IGF1R: variants seen among roughly 807,000 people sequenced by gnomAD.
IGF1R encodes insulin like growth factor 1 receptor, also known as insulin-like growth factor 1 receptor.
IGF1R carries 44 observed loss-of-function variants against 144.6 expected under a neutral mutation model. The observed-to-expected ratio is 0.30, with a 90% CI of 0.24 to 0.39. The LOEUF (loss-of-function observed/expected upper bound fraction) is 0.39, where lower values mean the gene tolerates loss of function less well. IGF1R is among the 10% of genes least tolerant of loss of function. The probability of loss-of-function intolerance (pLI) is 1.00; values close to 1 mark genes in which losing one functional copy is unlikely to be tolerated. For missense variants in IGF1R, 1,355 were observed against 1,833.7 expected (o/e 0.74, Z 4.77); for synonymous variants, 795 against 722.8 (o/e 1.10, Z -1.60).
At chr15:98,884,562 C>T (rs775437752) in intron 2 of IGF1R, among the ~76,000 whole-genome samples, 2 of 150,790 alleles carry the variant, frequency 1.3e-5, no homozygotes, top group African/African-American at 2.4e-5. Flanking sequence ...GGCATGGTGG[C>T]GGGCGCCTGT....
At chr15:98,773,728 G>C (rs924535979) in intron 2 of IGF1R, among the ~76,000 whole-genome samples, 3 of 152,164 alleles carry the variant, frequency 2.0e-5, no homozygotes, top group African/African-American at 7.2e-5. Context: ...AGTTCAGGTT[G>C]GTCCCTTAGA....
At chr15:98,859,697 AAC>A (rs1207569035) in intron 2 of IGF1R, among the ~76,000 whole-genome samples, 1 of 152,242 alleles carries the variant, frequency 6.6e-6, no homozygotes, top group East Asian at 1.9e-4. Flanking sequence ...TTAAAAAACA[AAC>A]ACACACATTC....
chr15:98,689,672 G>C (rs2053426875), intron 1 of IGF1R, among the ~76,000 whole-genome samples: 1 of 152,170 alleles, frequency 6.6e-6, no homozygotes, highest in Admixed American at 6.5e-5. Context: ...TGACTCAGAA[G>C]GCACATTAGG....
chr15:98,875,262 C>G (rs1370566529), intron 2 of IGF1R, among the ~76,000 whole-genome samples: 3 of 151,032 alleles, frequency 2.0e-5, no homozygotes, highest in Non-Finnish European at 4.4e-5. Flanking sequence ...TCAGATTATT[C>G]AAGTCCAGAA....
At chr15:98,772,423 A>G (rs1008968593) in intron 2 of IGF1R, among the ~76,000 whole-genome samples, 9 of 150,798 alleles carry the variant, frequency 6.0e-5, no homozygotes, top group Non-Finnish European at 1.3e-4. Context: ...AACCTAAGAA[A>G]GGTTTGTAAA....
intron 2 of IGF1R, among the ~76,000 whole-genome samples, chr15:98,853,094 T>C (rs910300626): frequency 6.6e-6 from 1 of 152,206 alleles, no homozygotes; most frequent in African/African-American, 2.4e-5. Context: ...GGTTTTCTCG[T>C]TATTGTTGCT....
chr15:98,673,005 C>CT lies in IGF1R; in HGVS notation c.94+23338dup, dbSNP rs201714604. On this transcript the variant is annotated intron_variant, in intron 1 of 20. Transcript: ENST00000650285. ...GGGAGCATCTTTTTATTTTATTTTA[C>CT]TTTTTTTTAAAAAAATGAGGTCTTT... 3.1e-3 allele frequency among the ~76,000 whole-genome samples: 479 copies of CT among 152,072 alleles called. 4 individuals are homozygous for CT. The highest frequency in any genetic ancestry group is 0.017 in the Middle Eastern group (5 of 294).
At chr15:98,884,095 A>AT (rs1195002782) in intron 2 of IGF1R, among the ~76,000 whole-genome samples, 1 of 152,128 alleles carries the variant, frequency 6.6e-6, no homozygotes, top group Non-Finnish European at 1.5e-5. Flanking sequence ...TTTTAAAGGA[A>AT]TGGGGGTATT....
intron 2 of IGF1R, among the ~76,000 whole-genome samples, chr15:98,753,581 G>A (rs2055076353): frequency 6.7e-6 from 1 of 148,754 alleles, no homozygotes; most frequent in African/African-American, 2.6e-5. Context: ...AAGGAGATGT[G>A]GGTTTTTTTT....
intron 1 of IGF1R, among the ~76,000 whole-genome samples, chr15:98,649,891 C>T (rs1257803231): frequency 1.3e-5 from 2 of 152,116 alleles, no homozygotes; most frequent in African/African-American, 4.8e-5. Flanking sequence ...CCTGGCTCCG[C>T]GCATCCCCGC....
chr15:98,751,040 C>T (rs995382194), intron 2 of IGF1R, among the ~76,000 whole-genome samples: 2 of 152,202 alleles, frequency 1.3e-5, no homozygotes, highest in Non-Finnish European at 1.5e-5. Context: ...ATCCACCCAC[C>T]TCGGCCTCCC....
chr15:98,777,603 G>A (rs1040363885), intron 2 of IGF1R, among the ~76,000 whole-genome samples: 3 of 152,186 alleles, frequency 2.0e-5, no homozygotes, highest in Non-Finnish European at 2.9e-5. Flanking sequence ...ATGAGCTGCC[G>A]GGGAATGACC....
chr15:98,926,377 A>G (rs1285718678), intron 13 of IGF1R, among the ~76,000 whole-genome samples: 1 of 152,024 alleles, frequency 6.6e-6, no homozygotes, highest in Non-Finnish European at 1.5e-5. Flanking sequence ...AGGAGGAATA[A>G]GTTCAATAGA....
At chr15:98,822,812 A>G (rs1327992140) in intron 2 of IGF1R, among the ~76,000 whole-genome samples, 2 of 152,234 alleles carry the variant, frequency 1.3e-5, no homozygotes, top group African/African-American at 2.4e-5. Flanking sequence ...GATGTAAAAA[A>G]CAGAAGTTAG....
chr15:98,823,421 G>T (rs1378967843), intron 2 of IGF1R, among the ~76,000 whole-genome samples: 1 of 152,234 alleles, frequency 6.6e-6, no homozygotes, highest in Non-Finnish European at 1.5e-5. Flanking sequence ...CCAATCAGCA[G>T]CAGACTGCTA....
intron 5 of IGF1R, among the ~76,000 whole-genome samples, chr15:98,906,414 G>A (rs1596424912): frequency 1.3e-5 from 2 of 152,336 alleles, no homozygotes; most frequent in Middle Eastern, 6.8e-3. Flanking sequence ...CCGACATTTG[G>A]GGGTGCATCG....
intron 1 of IGF1R, among the ~76,000 whole-genome samples, chr15:98,669,771 T>C (rs902929991): frequency 6.6e-6 from 1 of 152,136 alleles, no homozygotes; most frequent in Non-Finnish European, 1.5e-5. Context: ...TGTTCTAGCT[T>C]CCCGTGCCGA....
chr15:98,779,699 T>G (rs1359096555), intron 2 of IGF1R, among the ~76,000 whole-genome samples: 1 of 152,236 alleles, frequency 6.6e-6, no homozygotes, highest in African/African-American at 2.4e-5. Context: ...AGCACTTGAC[T>G]CGAGCCTCTC....
chr15:98,722,933 G>A (rs1170848749), intron 2 of IGF1R, among the ~76,000 whole-genome samples: 1 of 151,984 alleles, frequency 6.6e-6, no homozygotes, highest in African/African-American at 2.4e-5. Flanking sequence ...TTGAAGGTGG[G>A]ATTCTTCCTC....
Sources: allele counts gnomAD v4.1 joint callset (sites outside exome capture counted in the v4.1 genomes callset), GRCh38; gene constraint gnomAD v4.1.1; transcripts MANE v1.5; gene names NCBI Gene and HGNC (gene_info 2026-07-23, HGNC 2026-07-21).